The following ARHGEF28 variants were observed in gnomAD, a reference collection of about 807,000 sequenced individuals.
The protein encoded by ARHGEF28 is 190 kDa guanine nucleotide exchange factor.
ARHGEF28 carries 152 observed loss-of-function variants against 206.6 expected under a neutral mutation model. The observed-to-expected ratio is 0.74, with a 90% CI of 0.64 to 0.84. The LOEUF (loss-of-function observed/expected upper bound fraction) is 0.84. Ranked by LOEUF, ARHGEF28 falls within the 40% of genes least tolerant of loss-of-function variation. The pLI, the probability that ARHGEF28 is intolerant of heterozygous loss-of-function variation, is 0.00. For synonymous variants in ARHGEF28, 763 were observed against 776.4 expected (o/e 0.98, Z 0.29); for missense variants, 2,028 against 2,073.2 (o/e 0.98, Z 0.42).
At chr5:73,856,892 A>G (rs1186324299) in intron 14 of ARHGEF28, among the ~76,000 whole-genome samples, 1 of 152,198 alleles carries the variant, frequency 6.6e-6, no homozygotes. Context: ...CCTCAGTAAT[A>G]ATAGAAATAT....
intron 2 of ARHGEF28, among the ~76,000 whole-genome samples, chr5:73,702,849 C>T (rs765688572): frequency 2.6e-5 from 4 of 152,178 alleles, no homozygotes; most frequent in Non-Finnish European, 4.4e-5. Flanking sequence ...CAAGTTGCAA[C>T]CAATCTTCAT....
intron 18 of ARHGEF28, among the ~76,000 whole-genome samples, chr5:73,866,956 G>T (rs768092934): frequency 1.3e-5 from 2 of 152,142 alleles, no homozygotes; most frequent in Non-Finnish European, 2.9e-5. Context: ...ACATGCTATT[G>T]GGTGTAATGT....
chr5:73,742,132 G>A (rs926903452), intron 2 of ARHGEF28, among the ~76,000 whole-genome samples: 3 of 152,014 alleles, frequency 2.0e-5, no homozygotes, highest in Admixed American at 6.5e-5. Context: ...GTTTGTGCTA[G>A]CTTTTTCTTG....
chr5:73,706,337 CTG>C (rs936520287), intron 2 of ARHGEF28, among the ~76,000 whole-genome samples: 11 of 152,138 alleles, frequency 7.2e-5, no homozygotes, highest in African/African-American at 2.4e-4. Flanking sequence ...GAGCAAGACT[CTG>C]TCTCAAAACA....
intron 1 of ARHGEF28, among the ~76,000 whole-genome samples, chr5:73,684,393 A>G (rs932079517): frequency 2.0e-5 from 3 of 152,210 alleles, no homozygotes; most frequent in African/African-American, 7.2e-5. Context: ...GTGTTATAAC[A>G]TGTACTAGCC....
chr5:73,642,336 G>A (rs1023619164), intron 1 of ARHGEF28, among the ~76,000 whole-genome samples: 1 of 152,070 alleles, frequency 6.6e-6, no homozygotes, highest in African/African-American at 2.4e-5. Context: ...ACAGGGTTTT[G>A]TTTTTGTTTT....
intron 1 of ARHGEF28, among the ~76,000 whole-genome samples, chr5:73,671,366 G>C (rs1004234100): frequency 6.6e-6 from 1 of 151,904 alleles, no homozygotes; most frequent in Non-Finnish European, 1.5e-5. Flanking sequence ...TACCTTAAAC[G>C]TTGATAGATT....
chr5:73,872,307 T>C (rs1238608951), intron 21 of ARHGEF28, among the ~76,000 whole-genome samples: 2 of 152,178 alleles, frequency 1.3e-5, no homozygotes, highest in African/African-American at 4.8e-5. Flanking sequence ...TCTGTTCAAA[T>C]CCTTTGACCA....
chr5:73,793,471 G>A (rs544506966), intron 7 of ARHGEF28, among the ~76,000 whole-genome samples: 3 of 152,296 alleles, frequency 2.0e-5, no homozygotes, highest in Admixed American at 6.5e-5. Flanking sequence ...GTGACAAAAC[G>A]GAATAGGGAA....
intron 35 of ARHGEF28, among the ~76,000 whole-genome samples, chr5:73,929,474 A>G (rs760846632): frequency 4.9e-4 from 71 of 145,286 alleles, no homozygotes; most frequent in Non-Finnish European, 8.9e-4. Context: ...CAGTTGTTTC[A>G]CAAATGTTAT....
intron 22 of ARHGEF28, among the ~76,000 whole-genome samples, chr5:73,878,192 C>G (rs1760659960): frequency 6.6e-6 from 1 of 150,640 alleles, no homozygotes; most frequent in Non-Finnish European, 1.5e-5. Context: ...CCTTCTTTGT[C>G]TCTTTTGATC....
chr5:73,830,018 G>T (rs1232677174), intron 9 of ARHGEF28, among the ~76,000 whole-genome samples: 1 of 152,088 alleles, frequency 6.6e-6, no homozygotes, highest in South Asian at 2.1e-4. Flanking sequence ...GATCTTTTTG[G>T]CCTGGTGTTC....
At chr5:73,881,663 T>A (rs1760960614) in intron 22 of ARHGEF28, among the ~76,000 whole-genome samples, 1 of 152,192 alleles carries the variant, frequency 6.6e-6, no homozygotes, top group Non-Finnish European at 1.5e-5. Flanking sequence ...AGGGTGGGTG[T>A]GTTCCGGTTT....
At chr5:73,817,912 A>C (rs556252316) in intron 9 of ARHGEF28, among the ~76,000 whole-genome samples, 1 of 152,168 alleles carries the variant, frequency 6.6e-6, no homozygotes, top group East Asian at 1.9e-4. Flanking sequence ...CTTTACTAGG[A>C]GGAGAAGTGA....
rs1202675413 is a variant in ARHGEF28, at chr5:73,909,537, C to G, written c.4287C>G (p.Asp1429Glu). ...GGPLQDQKSR[D>E]ADRQHEELAN... is the part of the protein sequence containing the mutation. ...CCTTGCAGGACCAGAAGTCTCGCGA[C>G]GCGGACAGGCAGCATGAGGAGCTGG... is the stretch of plus-strand genomic sequence containing the variant. The change falls in exon 34 of 36, where the codon GAC (aspartate) becomes GAG (glutamate). Residue 1429 changes from aspartate to glutamate, a missense_variant. By Grantham distance (45) the Asp-to-Glu change is conservative (BLOSUM62 2). Coordinates refer to ENST00000513042, the MANE Select transcript of ARHGEF28 (RefSeq NM_001177693.2). 1.3e-6 allele frequency: 2 copies of G among 1,591,250 alleles called. No homozygotes were observed. Among genetic ancestry groups the G allele is most frequent in the Non-Finnish European group, 1.7e-6 (2 of 1,168,888 alleles).
At chr5:73,843,917 C>T (rs1265066968) in intron 11 of ARHGEF28, among the ~76,000 whole-genome samples, 1 of 152,086 alleles carries the variant, frequency 6.6e-6, no homozygotes, top group African/African-American at 2.4e-5. Flanking sequence ...TCCCCTATCT[C>T]CCATAAAATT....
intron 9 of ARHGEF28, among the ~76,000 whole-genome samples, chr5:73,807,265 G>A (rs999733178): frequency 1.3e-5 from 2 of 151,998 alleles, no homozygotes; most frequent in African/African-American, 4.8e-5. Context: ...GCCTATGCAA[G>A]ATAAATCCAA....
At chr5:73,648,540 A>G (rs1744589112) in intron 1 of ARHGEF28, among the ~76,000 whole-genome samples, 1 of 152,256 alleles carries the variant, frequency 6.6e-6, no homozygotes, top group Admixed American at 6.5e-5. Flanking sequence ...CTGGAATTAA[A>G]TGAATCATGA....
chr5:73,649,035 G>A (rs373714230), intron 1 of ARHGEF28, among the ~76,000 whole-genome samples: 2 of 152,148 alleles, frequency 1.3e-5, no homozygotes, highest in East Asian at 3.8e-4. Flanking sequence ...TTCTTGCTAA[G>A]GTCTTTATGT....
Sources: allele counts gnomAD v4.1 joint callset (sites outside exome capture counted in the v4.1 genomes callset), GRCh38; gene constraint gnomAD v4.1.1; transcripts MANE v1.5; gene names NCBI Gene and HGNC (gene_info 2026-07-23, HGNC 2026-07-21).